CFAP46: variants seen among roughly 807,000 people sequenced by gnomAD.
CFAP46 encodes the protein cilia and flagella associated protein 46.
CFAP46 carries 245 observed loss-of-function variants against 325.7 expected under a neutral mutation model. The observed-to-expected ratio is 0.75, with a 90% CI of 0.68 to 0.84. CFAP46 has a LOEUF of 0.84. CFAP46 is among the 40% of genes least tolerant of loss of function. CFAP46 has a pLI of 0.00. For synonymous variants in CFAP46, 1,523 were observed against 1,495.9 expected (o/e 1.02, Z -0.42); for missense variants, 3,346 against 3,543.0 (o/e 0.94, Z 1.41).
At position 132,908,545 on chromosome 10, in the gene CFAP46, C is replaced by T. The variant is rs753637047; in HGVS notation, c.2847G>A (p.Ala949=). The T allele has an allele frequency of 4.6e-5, 72 of 1,550,414 alleles. No individual in the cohort carries two copies. The highest frequency in any genetic ancestry group is 1.7e-4 in the Middle Eastern group (1 of 6,014). The change falls in exon 22 of 58, where the codon GCG becomes GCA. Residue 949 remains alanine (A), a synonymous_variant. Transcript: ENST00000368586. The part of the protein sequence containing the change: ...LTRLTHFAHA[A]RDHETTMACA... The stretch of plus-strand genomic sequence containing the variant: ...AGGCCATGGTGGTCTCATGGTCACG[C>T]GCTGCATGGGCGAAGTGGGTCAGCC...
chr10:132,835,256 G>C, intron 47 of CFAP46, 48 bp downstream of exon 47: 1 of 1,599,054 alleles, frequency 6.3e-7, no homozygotes, highest in Non-Finnish European at 8.5e-7. Flanking sequence ...CCCAGGGGTG[G>C]GGAGCAGAGG....
At chr10:132,868,354 G>T (rs207471616) in intron 33 of CFAP46, among the ~76,000 whole-genome samples, 2 of 152,260 alleles carry the variant, frequency 1.3e-5, no homozygotes, top group Non-Finnish European at 2.9e-5. Flanking sequence ...TTTTAGGGCT[G>T]TGAGGACAAC....
intron 16 of CFAP46, 26 bp downstream of exon 16, chr10:132,918,367 G>T (rs200900859): frequency 1.3e-5 from 19 of 1,513,524 alleles, no homozygotes; most frequent in Non-Finnish European, 1.7e-5. Flanking sequence ...CCTCAGCACC[G>T]ATGAACCCCC....
In CFAP46 at chr10:132,922,495, G is replaced by A; in HGVS notation, c.1470C>T (p.Ile490=). The stretch of plus-strand genomic sequence containing the variant: ...GGGGCGGCACCTGCTCAACGGCCAT[G>A]ATGGCCTTGTCCTCTGCGCGCTCAG... ...QAPERAEDKA[I]MAVEQAKKAT... The change falls in exon 12 of 58, where the codon ATC becomes ATT. Residue 490 remains isoleucine (I), a synonymous_variant. Transcript: ENST00000368586. 2.6e-6 allele frequency: 4 copies of A among 1,537,026 alleles called. No individual in the cohort carries two copies. The South Asian group carries it at 4.8e-5, about 18-fold the overall frequency.
chr10:132,859,245 C>A lies in CFAP46; in HGVS notation c.5201G>T (p.Cys1734Phe). 5.2e-6 allele frequency: 8 copies of A among 1,547,476 alleles called. No homozygotes were observed. The highest frequency in any genetic ancestry group is 7.0e-6 in the Non-Finnish European group (8 of 1,146,300). The change falls in exon 38 of 58, where the codon TGC becomes TTC. Residue 1734 changes from cysteine (C) to phenylalanine (F), a missense_variant and splice_region_variant. Transcript: ENST00000368586. Reference sequence around the variant, plus strand: ...CGCAACTCTGACCCGCAGGCTCAGGCACCTGACGGAGGGACGGTTTGGGGC... The same window carrying A: ...CGCAACTCTGACCCGCAGGCTCAGGAACCTGACGGAGGGACGGTTTGGGGC... ...EFMITDLEAR[C>F]LSLRVRVAQH...
At chr10:132,942,214 G>A in intron 1 of CFAP46, 110 bp from the exon 2 acceptor site, 1 of 1,415,688 alleles carries the variant, frequency 7.1e-7, no homozygotes, top group Non-Finnish European at 9.5e-7. Flanking sequence ...CCGGGCCACA[G>A]CCACCGTCAG....
chr10:132,909,386 T>G, intron 20 of CFAP46, 142 bp from the exon 21 acceptor site: 1 of 643,010 alleles, frequency 1.6e-6, no homozygotes, highest in Non-Finnish European at 2.8e-6. Flanking sequence ...TTAGGCTGTT[T>G]TTGTAACTGT....
At position 132,919,569 on chromosome 10, in the gene CFAP46, G is replaced by T; in HGVS notation, c.1731-127C>A. The stretch of plus-strand genomic sequence containing the variant: ...CTCTGCAGTTTCAAGGTGGCAAGGA[G>T]CCCGGCACTCGCGCTGGGTACGGCC... On this transcript the variant is annotated intron_variant, in intron 14 of 57. Coordinates refer to ENST00000368586, the MANE Select transcript of CFAP46 (RefSeq NM_001200049.3). The surrounding 1 kb of genome is among the most constrained non-coding windows in gnomAD (Gnocchi z 9.7). 1 of 1,273,726 alleles carries T rather than the reference G, an allele frequency of 7.9e-7. No individual in the cohort carries two copies. 78.9% of individuals were successfully genotyped at this position (1,273,726 alleles called of 1,614,324 possible).
chr10:132,836,635 G>GCC (rs3833717), intron 45 of CFAP46, among the ~76,000 whole-genome samples, 182 bp downstream of exon 45: 1 of 151,752 alleles, frequency 6.6e-6, no homozygotes, highest in Non-Finnish European at 1.5e-5. Context: ...TCTCTGGACG[G>GCC]CCCCCCCCCC....
chr10:132,878,026 G>C lies in CFAP46; in HGVS notation c.4067C>G (p.Ser1356Ter). 1.3e-6 allele frequency: 2 copies of C among 1,546,322 alleles called. No individual in the cohort carries two copies. Among genetic ancestry groups the C allele is most frequent in the Non-Finnish European group, 1.7e-6 (2 of 1,145,028 alleles). The change falls in exon 30 of 58, where the codon TCA becomes TGA. Residue 1356 changes from serine to a stop codon, truncating the protein, a stop_gained. Coordinates refer to ENST00000368586, the MANE Select transcript of CFAP46 (RefSeq NM_001200049.3). LOFTEE classifies it high-confidence loss of function. Reference sequence around the variant, plus strand: ...CTCTTTTTTAGGCAATAACAGATGTGAGCTGGTTGCTGCCAGGGGTCTGTT... The same window carrying C: ...CTCTTTTTTAGGCAATAACAGATGTCAGCTGGTTGCTGCCAGGGGTCTGTT... ...LENRPLAATS[S>*]HLLLPKKEKE... is the part of the protein sequence containing the mutation.
chr10:132,875,435 C>T (rs60656800), intron 31 of CFAP46, among the ~76,000 whole-genome samples: 1 of 152,130 alleles, frequency 6.6e-6, no homozygotes, highest in Admixed American at 6.5e-5. Context: ...AAGGAATAGC[C>T]CAACCGTCCT....
chr10:132,812,454 C>G (rs1194093629), intron 55 of CFAP46, among the ~76,000 whole-genome samples: 1 of 152,192 alleles, frequency 6.6e-6, no homozygotes, highest in African/African-American at 2.4e-5. Flanking sequence ...CCCACCCCAG[C>G]CTTCCTGGGC....
intron 28 of CFAP46, among the ~76,000 whole-genome samples, chr10:132,879,966 T>G (rs1259897427): frequency 6.6e-6 from 1 of 152,176 alleles, no homozygotes; most frequent in African/African-American, 2.4e-5. Context: ...TGTCCCAGAC[T>G]GTCCCAAGGG....
In CFAP46 at chr10:132,808,797, C is replaced by T. The variant is rs151009069; in HGVS notation, c.7772G>A (p.Arg2591Gln). 1.6e-4 allele frequency: 249 copies of T among 1,604,828 alleles called. 1 individual carries two copies. In the African/African-American group the frequency reaches 2.1e-3, roughly 14 times the overall value. ...GAGGCAGGTCCAGGCCTGCACTACC[C>T]GATGGCTTGGTGCGGCAGCCCATAC... ...GPVWAAAPSH[R>Q]VVQAWTCLPS... is the part of the protein sequence containing the mutation. Residue 2591 changes from arginine (R) to glutamine (Q), a missense_variant, in exon 58 of 58, where the codon CGG becomes CAG. Arg to Gln is a conservative substitution (Grantham distance 43). Coordinates refer to ENST00000368586, the MANE Select transcript of CFAP46 (RefSeq NM_001200049.3). This position sits in a 1 kb window ranked among gnomAD's most constrained non-coding sequence, Gnocchi z 6.8.
rs1442533608 is a variant in CFAP46, at chr10:132,869,356, A to C, written c.4528T>G (p.Ser1510Ala). The C allele has an allele frequency of 2.0e-6, 3 of 1,534,594 alleles. No individual in the cohort carries two copies. In the African/African-American group the frequency reaches 4.1e-5, roughly 21 times the overall value. Residue 1510 changes from serine (S) to alanine (A), a missense_variant, in exon 33 of 58, where the codon TCC becomes GCC. Coordinates refer to ENST00000368586, the MANE Select transcript of CFAP46 (RefSeq NM_001200049.3). This position sits in a 1 kb window ranked among gnomAD's most constrained non-coding sequence, Gnocchi z 6.2. ...LYHLRLAHAC[S>A]ELKLREAAAR... ...GCTGCTTCTCTCAGCTTCAGCTCGGAGCACGCGTGGGCGAGGCTGTGGGGA... is the reference window on the plus strand; with the variant it reads ...GCTGCTTCTCTCAGCTTCAGCTCGGCGCACGCGTGGGCGAGGCTGTGGGGA...
intron 28 of CFAP46, among the ~76,000 whole-genome samples, chr10:132,880,499 C>T (rs565258005): frequency 4.6e-5 from 7 of 152,190 alleles, no homozygotes; most frequent in Non-Finnish European, 5.9e-5. Context: ...TCTGGACCCC[C>T]GCTCCCCCGG....
At chr10:132,936,888 G>A in intron 7 of CFAP46, 73 bp downstream of exon 7, 1 of 850,306 alleles carries the variant, frequency 1.2e-6, no homozygotes, top group East Asian at 2.8e-5. Flanking sequence ...CTCCCCCCAT[G>A]GAGGGGACAG....
intron 22 of CFAP46, among the ~76,000 whole-genome samples, chr10:132,904,145 G>A (rs1849425227): frequency 6.6e-6 from 1 of 152,372 alleles, no homozygotes; most frequent in South Asian, 2.1e-4. Context: ...ATGAAGAACT[G>A]AAATATGTGT....
intron 22 of CFAP46, among the ~76,000 whole-genome samples, chr10:132,906,863 T>A (rs1283567355): frequency 6.6e-6 from 1 of 150,948 alleles, no homozygotes; most frequent in Non-Finnish European, 1.5e-5. Flanking sequence ...TCCTGGGCAC[T>A]GAGAAGAGTG....
Sources: allele counts gnomAD v4.1 joint callset (sites outside exome capture counted in the v4.1 genomes callset), GRCh38; gene constraint gnomAD v4.1.1; non-coding constraint Gnocchi (gnomAD v3.1); transcripts MANE v1.5; gene names NCBI Gene and HGNC (gene_info 2026-07-23, HGNC 2026-07-21).